Variants in ABCA13 observed in about 807,000 individuals in gnomAD.
ABCA13 encodes the protein ATP-binding cassette sub-family A member 13.
A neutral mutation model predicts 478.7 loss-of-function variants in ABCA13; 476 were observed. The observed-to-expected ratio is 0.99, with a 90% CI of 0.92 to 1.07. The LOEUF (loss-of-function observed/expected upper bound fraction) is 1.07, where lower values mean the gene tolerates loss of function less well. Among genes scored for constraint, ABCA13 ranks in the 50% least tolerant of loss-of-function variants. ABCA13 has a pLI of 0.00. For synonymous variants in ABCA13, 2,252 were observed against 2,158.9 expected (o/e 1.04, Z -1.20); for missense variants, 6,060 against 5,910.6 (o/e 1.03, Z -0.83).
intron 15 of ABCA13, among the ~76,000 whole-genome samples, 157 bp from the exon 16 acceptor site, chr7:48,268,822 CA>C (rs1390381801): frequency 1.4e-5 from 2 of 146,182 alleles, no homozygotes; most frequent in African/African-American, 5.0e-5. Flanking sequence ...TCTGGAAGCA[CA>C]AGTCAAATTA....
intron 55 of ABCA13, among the ~76,000 whole-genome samples, chr7:48,561,008 T>C (rs539122539): frequency 6.6e-6 from 1 of 152,302 alleles, no homozygotes; most frequent in African/African-American, 2.4e-5. Context: ...TCTAATTCTG[T>C]CCATATCATC....
Position 48,198,291 on chromosome 7 carries a change from G to A in ABCA13, c.218G>A (p.Ser73Asn), listed in dbSNP as rs1042006998. Residue 73 changes from serine to asparagine, a missense_variant, in exon 3 of 62, where the codon AGC (serine) becomes AAC (asparagine). By Grantham distance (46) the Ser-to-Asn change is conservative (BLOSUM62 1). Transcript: ENST00000435803. Reference protein sequence around the residue: ...PSCGVIPFVQSLLCNTGSRCR... With the variant: ...PSCGVIPFVQNLLCNTGSRCR... ...TGTGGTGTTATCCCCTTTGTTCAAAGCCTTCTTTGTAACACTGGATCAAGG... is the reference window on the plus strand; with the variant it reads ...TGTGGTGTTATCCCCTTTGTTCAAAACCTTCTTTGTAACACTGGATCAAGG... The A allele has an allele frequency of 6.2e-7, 1 of 1,613,578 alleles. No individual in the cohort carries two copies. The highest frequency in any genetic ancestry group is 1.3e-5 in the African/African-American group (1 of 74,992).
chr7:48,524,335 C>T lies in ABCA13; in HGVS notation c.14139C>T (p.Thr4713=). 1.2e-6 allele frequency: 2 copies of T among 1,613,076 alleles called. No homozygotes were observed. Among genetic ancestry groups the T allele is most frequent in the South Asian group, 1.1e-5 (1 of 90,984 alleles). The change falls in exon 54 of 62, where the codon ACC becomes ACT. Residue 4713 remains threonine, a synonymous_variant. Transcript: ENST00000435803. ...AAAAGAGAGTGTTTGAAGGAAGGAC[C>T]AATGGAGACATTCTTGTGTTATACA... The part of the protein sequence containing the change: ...KEEKRVFEGR[T]NGDILVLYNL...
chr7:48,507,946 G>A lies in ABCA13; in HGVS notation c.13421G>A (p.Gly4474Asp), dbSNP rs1489346665. The change falls in exon 50 of 62, where the codon GGC (glycine) becomes GAC (aspartate). Residue 4474 changes from glycine (G) to aspartate (D), a missense_variant. Transcript: ENST00000435803. ...TTCTCCATCCTGTCTGCATCCATCGGCAGCTCTGTGGTGAGGGACAGGGTG... is the reference window on the plus strand; with the variant it reads ...TTCTCCATCCTGTCTGCATCCATCGACAGCTCTGTGGTGAGGGACAGGGTG... ...LGFSILSASI[G>D]SSVVRDRVIG... 1.2e-6 allele frequency: 2 copies of A among 1,613,542 alleles called. No individual in the cohort carries two copies. The highest frequency in any genetic ancestry group is 2.7e-5 in the African/African-American group (2 of 74,914).
Position 48,352,927 on chromosome 7 carries a change from T to C in ABCA13, c.10688+440T>C, listed in dbSNP as rs17132258. ...ATACAGGCCTTGACCATGGCTTGGG[T>C]ACCCATGAAGTAATATGAGAACATT... On this transcript the variant is annotated intron_variant, in intron 31 of 61. Coordinates refer to ENST00000435803, the MANE Select transcript of ABCA13 (RefSeq NM_152701.5). Among the ~76,000 whole-genome samples, 1,377 of 151,980 alleles carry C rather than the reference T, an allele frequency of 9.1e-3. 37 individuals carry two copies. Among genetic ancestry groups the C allele is most frequent in the African/African-American group, 0.031 (1,281 of 41,284 alleles).
intron 59 of ABCA13, among the ~76,000 whole-genome samples, chr7:48,631,653 G>GT (rs1362805647): frequency 2.0e-5 from 3 of 150,468 alleles, no homozygotes; most frequent in African/African-American, 7.3e-5. Context: ...CTTTCTTTTT[G>GT]TTTTTTTGGT....
intron 58 of ABCA13, among the ~76,000 whole-genome samples, chr7:48,610,934 AG>A (rs1302733038): frequency 1.3e-5 from 2 of 152,184 alleles, no homozygotes; most frequent in South Asian, 2.1e-4. Flanking sequence ...CTATGATGCG[AG>A]GGGGGCTGCC....
At chr7:48,606,703 T>C (rs146253185) in intron 58 of ABCA13, among the ~76,000 whole-genome samples, 1,833 of 152,268 alleles carry the variant, frequency 0.012, 19 homozygotes, top group Non-Finnish European at 0.017. Flanking sequence ...AGAGACCCAC[T>C]TGAGGAGGCA....
intron 40 of ABCA13, 36 bp downstream of exon 40, chr7:48,410,713 C>A: frequency 1.3e-6 from 2 of 1,585,648 alleles, no homozygotes; most frequent in South Asian, 2.3e-5. Context: ...ACTGAAGTCC[C>A]ATTTCTGTCT....
chr7:48,509,585 T>C (rs763087578), intron 50 of ABCA13, among the ~76,000 whole-genome samples: 2 of 152,240 alleles, frequency 1.3e-5, no homozygotes, highest in Non-Finnish European at 2.9e-5. Flanking sequence ...TGTTTGATCT[T>C]GGTGATTAAG....
At position 48,538,099 on chromosome 7, in the gene ABCA13, C is replaced by CTT. The variant is rs1563409461; in HGVS notation, c.14354+9754_14354+9755insTT. Among the ~76,000 whole-genome samples the CTT allele has an allele frequency of 1.2e-4, 14 of 120,028 alleles. 1 individual carries two copies. The highest frequency in any genetic ancestry group is 3.3e-4 in the African/African-American group (10 of 30,226). 78.7% of individuals were successfully genotyped at this position (120,028 alleles called of 152,430 possible). On this transcript the variant is annotated intron_variant, in intron 55 of 61. Transcript: ENST00000435803. ...ATCTTATTTTTTTCTTTCTTTCTTT[C>CTT]CTTTTTTTTTTTTTTTTTTGAGGTG...
rs376098372 is a variant in ABCA13 at position 48,288,040 on chromosome 7, G to T, written c.8917G>T (p.Ala2973Ser). The T allele has an allele frequency of 1.1e-5, 17 of 1,613,826 alleles. No individual in the cohort carries two copies. In the African/African-American group the frequency reaches 2.3e-4, roughly 22 times the overall value. ...TGGGATAAGGCATCTCATTTTATCTGCTATACAAGGGGTCACTTTGGCGCA... is the reference window on the plus strand; with the variant it reads ...TGGGATAAGGCATCTCATTTTATCTTCTATACAAGGGGTCACTTTGGCGCA... ...QNGIRHLILS[A>S]IQGVTLAQDH... Residue 2973 changes from alanine to serine, a missense_variant, in exon 20 of 62, where the codon GCT becomes TCT. This residue lies in a region of ABCA13 where 4,423 missense variants were observed against 4,309.1 expected (regional missense o/e 1.03). Transcript: ENST00000435803.
At chr7:48,627,850 AG>A (rs1158910212) in intron 59 of ABCA13, among the ~76,000 whole-genome samples, 3 of 152,212 alleles carry the variant, frequency 2.0e-5, no homozygotes, top group Non-Finnish European at 2.9e-5. Flanking sequence ...GACAAGCACA[AG>A]GGGTCAAGCT....
intron 49 of ABCA13, 123 bp from the exon 50 acceptor site, chr7:48,507,749 G>C (rs1831337373): frequency 1.7e-6 from 2 of 1,162,096 alleles, no homozygotes; most frequent in Non-Finnish European, 2.4e-6. Flanking sequence ...TAGCCAACAT[G>C]CCTGGCTGAT....
chr7:48,290,070 T>C (rs577492839), intron 20 of ABCA13, among the ~76,000 whole-genome samples: 5 of 152,334 alleles, frequency 3.3e-5, no homozygotes, highest in Admixed American at 6.5e-5. Flanking sequence ...GGAATTCCCA[T>C]TTAGAGAGAA....
At chr7:48,457,901 T>C (rs980299990) in intron 43 of ABCA13, among the ~76,000 whole-genome samples, 6 of 152,240 alleles carry the variant, frequency 3.9e-5, no homozygotes, top group Admixed American at 3.3e-4. Context: ...GCATCCACAT[T>C]GATGGAACAT....
intron 54 of ABCA13, among the ~76,000 whole-genome samples, chr7:48,524,687 A>G (rs1832772295): frequency 6.6e-6 from 1 of 152,166 alleles, no homozygotes; most frequent in Non-Finnish European, 1.5e-5. Flanking sequence ...ATGTGATTGC[A>G]TAGTTTTAAT....
intron 47 of ABCA13, among the ~76,000 whole-genome samples, chr7:48,484,018 G>A (rs1829044548): frequency 6.6e-6 from 1 of 152,272 alleles, no homozygotes; most frequent in African/African-American, 2.4e-5. Flanking sequence ...GGAGCTATGA[G>A]AACAAGAACA....
chr7:48,513,884 C>T (rs950240217), intron 51 of ABCA13, among the ~76,000 whole-genome samples: 1 of 152,100 alleles, frequency 6.6e-6, no homozygotes, highest in Non-Finnish European at 1.5e-5. Context: ...CCGTTGAAAA[C>T]CACACTGGAA....
Sources: gnomAD v4.1 joint callset for allele counts (sites outside exome capture counted in the v4.1 genomes callset) on GRCh38, gnomAD v4.1.1 for gene constraint, gnomAD v4.1.1 regional missense constraint, MANE v1.5 for transcripts, NCBI Gene and HGNC (gene_info 2026-07-23, HGNC 2026-07-21) for gene names.